The following TEAD4 variants were observed in gnomAD, a reference collection of about 807,000 sequenced individuals.
TEAD4 encodes TEA domain transcription factor 4.
TEAD4 carries 36 observed loss-of-function variants against 52.4 expected under a neutral mutation model. The observed-to-expected ratio is 0.69, with a 90% CI of 0.53 to 0.91. The LOEUF is 0.91. Ranked by LOEUF, TEAD4 falls within the 40% of genes least tolerant of loss-of-function variation. The pLI, the probability that TEAD4 is intolerant of heterozygous loss-of-function variation, is 0.00. For synonymous variants in TEAD4, 220 were observed against 231.0 expected (o/e 0.95, Z 0.43); for missense variants, 508 against 583.9 (o/e 0.87, Z 1.34).
At chr12:3,007,282 G>A (rs1486646796) in intron 3 of TEAD4, among the ~76,000 whole-genome samples, 1 of 152,180 alleles carries the variant, frequency 6.6e-6, no homozygotes, top group Non-Finnish European at 1.5e-5. Flanking sequence ...TCTCACCACA[G>A]GCTGCAGAGG....
At chr12:2,961,848 T>C (rs905556041) in intron 2 of TEAD4, among the ~76,000 whole-genome samples, 13 of 152,248 alleles carry the variant, frequency 8.5e-5, no homozygotes, top group Non-Finnish European at 1.3e-4. Flanking sequence ...CCTTGCCCTG[T>C]CTATCATGTT....
At chr12:3,020,026 C>T (rs2098267542) in intron 8 of TEAD4, among the ~76,000 whole-genome samples, 1 of 152,236 alleles carries the variant, frequency 6.6e-6, no homozygotes, top group Non-Finnish European at 1.5e-5. Context: ...TGTCACTCAC[C>T]AGAGCTTCAG....
rs760294293 is a variant in TEAD4 at position 2,961,011 on chromosome 12, T to TG, written c.-30+972dup. ...TTTCTCAGGGCGAGGGTCTTGTGCTTGCCTGGAATAGGTCAAAAAGCTGGT... is the reference window on the plus strand; with the variant it reads ...TTTCTCAGGGCGAGGGTCTTGTGCTTGGCCTGGAATAGGTCAAAAAGCTGGT... On this transcript the variant is annotated intron_variant, in intron 2 of 12. Coordinates refer to ENST00000359864, the MANE Select transcript of TEAD4 (RefSeq NM_003213.4). Among the ~76,000 whole-genome samples, 39 of 151,528 alleles carry TG rather than the reference T, an allele frequency of 2.6e-4. No individual in the cohort carries two copies. In the South Asian group the frequency reaches 2.7e-3, roughly 11 times the overall value.
chr12:3,006,107 A>G (rs1023373558), intron 3 of TEAD4, among the ~76,000 whole-genome samples: 2 of 152,236 alleles, frequency 1.3e-5, no homozygotes, highest in Admixed American at 6.5e-5. Context: ...ATCATTGCAG[A>G]TTATATACGT....
intron 2 of TEAD4, among the ~76,000 whole-genome samples, chr12:2,974,481 C>T (rs2098227816): frequency 6.6e-6 from 1 of 152,230 alleles, no homozygotes; most frequent in South Asian, 2.1e-4. Flanking sequence ...GTCCTCAGAG[C>T]CATGGCCCAG....
At chr12:3,012,320 G>A in intron 5 of TEAD4, 88 bp downstream of exon 5, 1 of 1,409,304 alleles carries the variant, frequency 7.1e-7, no homozygotes. Flanking sequence ...ATCACTGCTG[G>A]TGTGCAAGTC....
At chr12:2,979,344 T>TG (rs1489837447) in intron 2 of TEAD4, among the ~76,000 whole-genome samples, 2 of 152,220 alleles carry the variant, frequency 1.3e-5, no homozygotes, top group Non-Finnish European at 2.9e-5. Flanking sequence ...TGACATTCTG[T>TG]GCTCAGGAAC....
At chr12:2,967,027 C>T (rs908962258) in intron 2 of TEAD4, among the ~76,000 whole-genome samples, 5 of 152,166 alleles carry the variant, frequency 3.3e-5, no homozygotes, top group Middle Eastern at 3.4e-3. Context: ...TTTTTATGGG[C>T]GTTGAGGGTA....
intron 2 of TEAD4, among the ~76,000 whole-genome samples, chr12:2,990,210 A>G (rs2098241909): frequency 6.6e-6 from 1 of 152,090 alleles, no homozygotes; most frequent in South Asian, 2.1e-4. Context: ...TTTCCAGCCT[A>G]CTTTGTAGTT....
intron 3 of TEAD4, among the ~76,000 whole-genome samples, chr12:2,998,944 G>T (rs928899400): frequency 1.3e-5 from 2 of 152,172 alleles, no homozygotes; most frequent in Non-Finnish European, 1.5e-5. Flanking sequence ...AATAGGTTCT[G>T]CTGGGATCCA....
chr12:3,008,620 G>T (rs2153956406), intron 3 of TEAD4, among the ~76,000 whole-genome samples: 1 of 152,296 alleles, frequency 6.6e-6, no homozygotes, highest in Middle Eastern at 3.4e-3. Context: ...TTGGACCCTG[G>T]AGGGTGCGGT....
chr12:2,981,523 T>TA (rs1310430869), intron 2 of TEAD4, among the ~76,000 whole-genome samples: 1 of 152,190 alleles, frequency 6.6e-6, no homozygotes, highest in Non-Finnish European at 1.5e-5. Context: ...GCCCTGTACC[T>TA]ACCTCCACCC....
At chr12:3,027,408 T>G (rs1366704688) in intron 10 of TEAD4, among the ~76,000 whole-genome samples, 1 of 152,216 alleles carries the variant, frequency 6.6e-6, no homozygotes, top group Non-Finnish European at 1.5e-5. Context: ...TTTCTTGCAA[T>G]GTAATTAACT....
chr12:3,012,717 G>A (rs757556370), intron 5 of TEAD4, among the ~76,000 whole-genome samples: 2 of 152,148 alleles, frequency 1.3e-5, no homozygotes, highest in Non-Finnish European at 2.9e-5. Flanking sequence ...CGTCTTGCAG[G>A]GCCTCTGCTG....
intron 3 of TEAD4, among the ~76,000 whole-genome samples, chr12:2,998,529 G>A (rs535154294): frequency 2.6e-5 from 4 of 151,686 alleles, no homozygotes; most frequent in African/African-American, 9.7e-5. Flanking sequence ...GGCATGGGAT[G>A]GGGACGCTCG....
rs1427551251 is a variant in TEAD4 at position 3,040,550 on chromosome 12, G to A, written c.*72G>A. The A allele has an allele frequency of 2.2e-6, 3 of 1,374,760 alleles. No homozygotes were observed. The highest frequency in any genetic ancestry group is 4.7e-5 in the East Asian group (2 of 42,578). 85.2% of individuals were successfully genotyped at this position (1,374,760 alleles called of 1,614,324 possible). A position where few individuals can be genotyped will look rare whatever the true frequency, so the allele number is the denominator to read the frequency against. ...CGGGGACGTGGGGAGGGGACCTGCA[G>A]GGGCAGCCCCCTGAAGTGCCAAGAG... On this transcript the variant is annotated 3_prime_UTR_variant, in exon 13 of 13. Coordinates refer to ENST00000359864, the MANE Select transcript of TEAD4 (RefSeq NM_003213.4).
chr12:2,994,728 G>T lies in TEAD4; in HGVS notation c.-29-10G>T, dbSNP rs1309878646. ...ACTGCTCACCGGGGCTGTGGTTCCT[G>T]TCCCCACAGGTCCAACGAGCGCTCC... is the stretch of plus-strand genomic sequence containing the variant. On this transcript the variant is annotated splice_polypyrimidine_tract_variant and intron_variant, in intron 2 of 12. Coordinates refer to ENST00000359864, the MANE Select transcript of TEAD4 (RefSeq NM_003213.4). The surrounding 1 kb of genome is among the most constrained non-coding windows in gnomAD (Gnocchi z 4.7). 6.4e-7 allele frequency: 1 copy of T among 1,556,930 alleles called. No individual in the cohort carries two copies. Among genetic ancestry groups the T allele is most frequent in the Non-Finnish European group, 8.7e-7 (1 of 1,152,118 alleles).
intron 2 of TEAD4, among the ~76,000 whole-genome samples, chr12:2,971,188 C>T (rs187011807): frequency 8.5e-5 from 13 of 152,240 alleles, no homozygotes; most frequent in Admixed American, 2.6e-4. Flanking sequence ...TACTGCAAGA[C>T]GAAAGAACGT....
At chr12:3,033,716 C>CG (rs1265577897) in intron 10 of TEAD4, among the ~76,000 whole-genome samples, 1 of 152,236 alleles carries the variant, frequency 6.6e-6, no homozygotes, top group Non-Finnish European at 1.5e-5. Context: ...GCTGCCCACC[C>CG]GCACGCACAG....
Sources: allele counts gnomAD v4.1 joint callset (sites outside exome capture counted in the v4.1 genomes callset), GRCh38; gene constraint gnomAD v4.1.1; non-coding constraint Gnocchi (gnomAD v3.1); transcripts MANE v1.5; gene names NCBI Gene and HGNC (gene_info 2026-07-23, HGNC 2026-07-21).